CWF19L2: variants seen among roughly 807,000 people sequenced by gnomAD.
The protein encoded by CWF19L2 is CWF19-like protein 2.
A neutral mutation model predicts 111.7 loss-of-function variants in CWF19L2; 98 were observed. The ratio of observed to expected loss-of-function variants is 0.88; its 90% CI spans 0.75 to 1.04. CWF19L2 has a LOEUF of 1.04. Ranked by LOEUF, CWF19L2 falls within the 50% of genes least tolerant of loss-of-function variation. The pLI is 0.00. For synonymous variants in CWF19L2, 351 were observed against 342.9 expected, an observed-to-expected ratio of 1.02 and a Z score of -0.26; for missense variants, 1,101 against 1,051.4, an observed-to-expected ratio of 1.05 and a Z score of -0.65.
At chr11:107,359,300 G>T (rs1431200222) in intron 12 of CWF19L2, among the ~76,000 whole-genome samples, 4 of 152,182 alleles carry the variant, frequency 2.6e-5, no homozygotes, top group Non-Finnish European at 5.9e-5. Context: ...TGCCTTCCTG[G>T]CATGCCATGC....
chr11:107,399,399 A>G (rs1376078046), intron 10 of CWF19L2, among the ~76,000 whole-genome samples: 1 of 152,222 alleles, frequency 6.6e-6, no homozygotes, highest in Non-Finnish European at 1.5e-5. Context: ...ACAAATGGAC[A>G]CCAAAAGTGA....
chr11:107,427,595 CT>C (rs1861396778), intron 8 of CWF19L2, among the ~76,000 whole-genome samples: 1 of 152,016 alleles, frequency 6.6e-6, no homozygotes, highest in Non-Finnish European at 1.5e-5. Context: ...AGAAGAAGGC[CT>C]ACAGATCATC....
chr11:107,443,096 T>G (rs1861654908), intron 3 of CWF19L2, 47 bp from the exon 4 acceptor site: 1 of 1,277,712 alleles, frequency 7.8e-7, no homozygotes, highest in Admixed American at 2.0e-5. Context: ...TTGCATACTT[T>G]GATATAAAAA....
chr11:107,340,407 T>G (rs1477784787), intron 14 of CWF19L2, among the ~76,000 whole-genome samples: 1 of 152,204 alleles, frequency 6.6e-6, no homozygotes, highest in Non-Finnish European at 1.5e-5. Context: ...TCCAGCACCA[T>G]TCACTGAAAA....
At chr11:107,332,501 G>C (rs1173186894) in intron 16 of CWF19L2, among the ~76,000 whole-genome samples, 1 of 149,314 alleles carries the variant, frequency 6.7e-6, no homozygotes, top group Non-Finnish European at 1.5e-5. Context: ...AATCAGAATG[G>C]ATTACATATA....
chr11:107,440,142 T>C (rs1861601436), intron 5 of CWF19L2, among the ~76,000 whole-genome samples: 1 of 152,062 alleles, frequency 6.6e-6, no homozygotes, highest in Non-Finnish European at 1.5e-5. Flanking sequence ...TATAGGTATG[T>C]GAGATCAAAG....
intron 10 of CWF19L2, among the ~76,000 whole-genome samples, chr11:107,411,093 A>G (rs1284682331): frequency 1.7e-4 from 6 of 35,802 alleles, no homozygotes; most frequent in Non-Finnish European, 2.9e-4. Context: ...GTGCGTGCAC[A>G]CACACACACA....
At position 107,356,846 on chromosome 11, in the gene CWF19L2, T is replaced by C. The variant is rs900577240; in HGVS notation, c.1873-3110A>G. ...TGAGGTTGGGAGTTTGAGACCAACC[T>C]GACCAACATGGAGAAACCCTGTCTC... On this transcript the variant is annotated intron_variant, in intron 12 of 17. Coordinates refer to ENST00000282251, the MANE Select transcript of CWF19L2 (RefSeq NM_152434.3). 1.4e-4 allele frequency among the ~76,000 whole-genome samples: 22 copies of C among 152,226 alleles called. No homozygotes were observed. In the East Asian group the frequency reaches 2.7e-3, roughly 19 times the overall value.
intron 15 of CWF19L2, among the ~76,000 whole-genome samples, 199 bp downstream of exon 15, chr11:107,336,359 C>A (rs1859923349): frequency 6.6e-6 from 1 of 152,082 alleles, no homozygotes; most frequent in Non-Finnish European, 1.5e-5. Context: ...GTTGGCCAGG[C>A]TGGTCTTGAA....
intron 12 of CWF19L2, among the ~76,000 whole-genome samples, chr11:107,386,031 CA>C (rs1329807878): frequency 6.6e-6 from 1 of 152,048 alleles, no homozygotes; most frequent in Non-Finnish European, 1.5e-5. Context: ...TAAAATTTAT[CA>C]TAGGTATGTA....
chr11:107,443,108 T>G, intron 3 of CWF19L2, 59 bp from the exon 4 acceptor site: 2 of 1,161,968 alleles, frequency 1.7e-6, no homozygotes, highest in Non-Finnish European at 2.5e-6. Context: ...ATATAAAAAT[T>G]CTGTGCTGTT....
intron 12 of CWF19L2, among the ~76,000 whole-genome samples, chr11:107,358,832 T>A (rs1860278968): frequency 6.6e-6 from 1 of 152,168 alleles, no homozygotes; most frequent in Admixed American, 6.5e-5. Context: ...CTTAGGGACC[T>A]CTGAACCTGC....
At chr11:107,428,489 T>A (rs1000562257) in intron 8 of CWF19L2, among the ~76,000 whole-genome samples, 1 of 151,994 alleles carries the variant, frequency 6.6e-6, no homozygotes, top group African/African-American at 2.4e-5. Flanking sequence ...GGTAACAAAA[T>A]CTACCAAAAT....
At chr11:107,397,716 CA>C (rs1369941139) in intron 10 of CWF19L2, among the ~76,000 whole-genome samples, 2 of 152,166 alleles carry the variant, frequency 1.3e-5, no homozygotes, top group African/African-American at 2.4e-5. Flanking sequence ...CCAACCAGCA[CA>C]AAAATGGAGA....
At chr11:107,360,318 A>T (rs1259381117) in intron 12 of CWF19L2, among the ~76,000 whole-genome samples, 1 of 152,236 alleles carries the variant, frequency 6.6e-6, no homozygotes, top group African/African-American at 2.4e-5. Flanking sequence ...ACACAATTTC[A>T]TTCTTTCTTA....
chr11:107,432,175 C>A (rs1264825737), intron 7 of CWF19L2, among the ~76,000 whole-genome samples: 1 of 152,078 alleles, frequency 6.6e-6, no homozygotes, highest in Non-Finnish European at 1.5e-5. Flanking sequence ...GGGGAGAAAT[C>A]TGAACAGATT....
intron 12 of CWF19L2, among the ~76,000 whole-genome samples, chr11:107,383,160 A>G (rs1181806949): frequency 2.0e-5 from 3 of 152,108 alleles, no homozygotes; most frequent in Non-Finnish European, 4.4e-5. Flanking sequence ...AATTAATCGT[A>G]CCCGAAGTGG....
chr11:107,455,251 A>G (rs1269823830), intron 2 of CWF19L2, among the ~76,000 whole-genome samples: 1 of 152,164 alleles, frequency 6.6e-6, no homozygotes, highest in Non-Finnish European at 1.5e-5. Context: ...GTATACATAG[A>G]TCAAACCATC....
At chr11:107,418,712 A>G (rs1861263223) in intron 8 of CWF19L2, among the ~76,000 whole-genome samples, 1 of 152,208 alleles carries the variant, frequency 6.6e-6, no homozygotes, top group Non-Finnish European at 1.5e-5. Flanking sequence ...AACTGCATTC[A>G]AAGAATAAAA....
Sources: gnomAD v4.1 joint callset for allele counts (sites outside exome capture counted in the v4.1 genomes callset) on GRCh38, gnomAD v4.1.1 for gene constraint, MANE v1.5 for transcripts, NCBI Gene and HGNC (gene_info 2026-07-23, HGNC 2026-07-21) for gene names.